Variants in MDH1B observed in about 807,000 individuals in gnomAD.
MDH1B encodes the protein putative malate dehydrogenase 1B.
A neutral mutation model predicts 61.4 loss-of-function variants in MDH1B; 60 were observed. The observed-to-expected ratio is 0.98, with a 90% confidence interval of 0.79 to 1.21. The LOEUF is 1.21. Ranked by LOEUF, MDH1B falls within the 50% of genes most tolerant of loss-of-function variation. MDH1B has a pLI of 0.00. For missense variants in MDH1B, 587 were observed against 632.1 expected (o/e 0.93, Z 0.76); for synonymous variants, 236 against 218.7 (o/e 1.08, Z -0.70).
rs573621535 is a variant in MDH1B at position 206,753,054 on chromosome 2, G to A, written c.910+1955C>T. 5.3e-5 allele frequency among the ~76,000 whole-genome samples: 8 copies of A among 152,054 alleles called. No homozygotes were observed. The South Asian group carries it at 1.7e-3, about 32-fold the overall frequency. On this transcript the variant is annotated intron_variant, in intron 5 of 11. Transcript: ENST00000374412. ...GGGAAAGAAAGCCCTCATTCTCCTG[G>A]GGTACGTAAACTACAAGCATGTGAG...
chr2:206,757,223 G>C lies in MDH1B; in HGVS notation c.270+14C>G. The C allele has an allele frequency of 1.2e-6, 2 of 1,603,400 alleles. No individual in the cohort carries two copies. Among genetic ancestry groups the C allele is most frequent in the Non-Finnish European group, 8.5e-7 (1 of 1,176,032 alleles). ...GAATTATCATTATTAGAACAGATAA[G>C]TTAACTTATATACCTGAGCATGCTC... On this transcript the variant is annotated intron_variant, in intron 3 of 11. Coordinates refer to ENST00000374412, the MANE Select transcript of MDH1B (RefSeq NM_001039845.3).
chr2:206,751,392 T>C (rs1047694715), intron 5 of MDH1B, among the ~76,000 whole-genome samples: 4 of 152,086 alleles, frequency 2.6e-5, no homozygotes, highest in Non-Finnish European at 2.9e-5. Flanking sequence ...TTGCTTACCA[T>C]TGAGAGAGAG....
At position 206,765,161 on chromosome 2, in the gene MDH1B, G is replaced by T. The variant is rs1689366358; in HGVS notation, c.22+89C>A. 5 of 1,508,544 alleles carry T rather than the reference G, an allele frequency of 3.3e-6. No individual in the cohort carries two copies. The East Asian group carries it at 1.2e-4, about 36-fold the overall frequency. The allele number at this position is 1,508,544 out of a possible 1,614,324, so 93.4% of individuals were successfully genotyped here. On this transcript the variant is annotated intron_variant, in intron 1 of 11. Transcript: ENST00000374412. Reference sequence around the variant, plus strand: ...TCTATAGCAAAGCATGGAGCGGTCCGTATAGAGGCTGCCAAGCCGAGCGGC... The same window carrying T: ...TCTATAGCAAAGCATGGAGCGGTCCTTATAGAGGCTGCCAAGCCGAGCGGC...
At chr2:206,753,868 C>A (rs7591658) in intron 5 of MDH1B, among the ~76,000 whole-genome samples, 75 of 149,122 alleles carry the variant, frequency 5.0e-4, no homozygotes, top group East Asian at 2.0e-3. Context: ...CCCCAACCCC[C>A]CTCAACCCCA....
At chr2:206,758,238 G>A (rs1240576613) in intron 2 of MDH1B, among the ~76,000 whole-genome samples, 2 of 152,118 alleles carry the variant, frequency 1.3e-5, no homozygotes, top group Non-Finnish European at 2.9e-5. Context: ...GAGCTGCAAG[G>A]GCATGTACAA....
chr2:206,756,646 A>C, intron 4 of MDH1B: 2 of 435,884 alleles, frequency 4.6e-6, no homozygotes, highest in Non-Finnish European at 8.2e-6. Context: ...CAGCCATGCT[A>C]TAGAGTTGTT....
chr2:206,757,934 C>T (rs1688858437), intron 2 of MDH1B, among the ~76,000 whole-genome samples: 1 of 152,078 alleles, frequency 6.6e-6, no homozygotes, highest in African/African-American at 2.4e-5. Flanking sequence ...TACAGTCAAA[C>T]AGAAACATTT....
chr2:206,741,032 G>T, intron 10 of MDH1B, 22 bp downstream of exon 10: 1 of 1,612,872 alleles, frequency 6.2e-7, no homozygotes, highest in Non-Finnish European at 8.5e-7. Context: ...TATAGACATT[G>T]TTTATAACCC....
Position 206,755,389 on chromosome 2 carries a change from A to C in MDH1B, c.530T>G (p.Leu177Arg). 1 of 1,614,168 alleles carries C rather than the reference A, an allele frequency of 6.2e-7. No homozygotes were observed. ...TTGGGTCTCCACCACAAGGCTTTTG[A>C]GATGTTCTTCCGCCTGCTTGTTGTC... ...LFDNKQAEEHLKSLVVETQDL... is the reference protein window; with the variant it reads ...LFDNKQAEEHRKSLVVETQDL... Residue 177 changes from leucine to arginine, a missense_variant, in exon 5 of 12, where the codon CTC becomes CGC. By Grantham distance (102) the Leu-to-Arg change is moderately radical. Coordinates refer to ENST00000374412, the MANE Select transcript of MDH1B (RefSeq NM_001039845.3).
At position 206,746,407 on chromosome 2, in the gene MDH1B, T is replaced by C. The variant is rs1311648860; in HGVS notation, c.1236A>G (p.Lys412=). The C allele has an allele frequency of 6.2e-7, 1 of 1,613,290 alleles. No homozygotes were observed. The highest frequency in any genetic ancestry group is 2.2e-5 in the East Asian group (1 of 44,808). ...ILSEGQFGIP[K]GIVFSMPVKF... ...TCACAGGCATAGAAAAGACGATCCC[T>C]TTCGGAATACCAAACTGGCCTGCAG... The change falls in exon 8 of 12, where the codon AAA becomes AAG. Residue 412 remains lysine, a synonymous_variant. Coordinates refer to ENST00000374412, the MANE Select transcript of MDH1B (RefSeq NM_001039845.3).
At chr2:206,745,565 A>C in intron 9 of MDH1B, 57 bp downstream of exon 9, 1 of 1,291,312 alleles carries the variant, frequency 7.7e-7, no homozygotes, top group Non-Finnish European at 1.1e-6. Context: ...AGTTATAACA[A>C]ATATTTTAAT....
At chr2:206,745,240 T>C (rs1290389694) in intron 9 of MDH1B, 2 of 336,824 alleles carry the variant, frequency 5.9e-6, no homozygotes, top group African/African-American at 4.4e-5. Flanking sequence ...AGGAATTCTT[T>C]CTCAAGCCTT....
intron 9 of MDH1B, among the ~76,000 whole-genome samples, chr2:206,742,399 C>A (rs1466648735): frequency 1.3e-5 from 2 of 152,158 alleles, no homozygotes; most frequent in East Asian, 1.9e-4. Flanking sequence ...CTCTGATGAA[C>A]CTTTTTTGCC....
In MDH1B at chr2:206,758,042, C is replaced by T. The variant is rs540137247; in HGVS notation, c.136-671G>A. Among the ~76,000 whole-genome samples the T allele has an allele frequency of 2.0e-5, 3 of 152,296 alleles. No homozygotes were observed. In the East Asian group the frequency reaches 5.8e-4, roughly 29 times the overall value. ...CAATAAAATCCTGGAAACTGATTTCCTTGCTAATATTGAAGATCTGCCTGC... is the reference window on the plus strand; with the variant it reads ...CAATAAAATCCTGGAAACTGATTTCTTTGCTAATATTGAAGATCTGCCTGC... On this transcript the variant is annotated intron_variant, in intron 2 of 11. Transcript: ENST00000374412.
intron 6 of MDH1B, among the ~76,000 whole-genome samples, chr2:206,750,064 T>C (rs1001102986): frequency 7.2e-5 from 11 of 152,070 alleles, no homozygotes; most frequent in African/African-American, 2.7e-4. Flanking sequence ...TTCAAAATAG[T>C]GAACTCGGGA....
chr2:206,741,586 T>TC (rs1403655262), intron 9 of MDH1B, among the ~76,000 whole-genome samples: 4 of 152,190 alleles, frequency 2.6e-5, no homozygotes, highest in African/African-American at 9.7e-5. Context: ...AACATTGGAC[T>TC]CCAAGTTTTT....
Position 206,756,959 on chromosome 2 carries a change from T to C in MDH1B, c.352A>G (p.Lys118Glu). Residue 118 changes from lysine (K) to glutamate (E), a missense_variant, in exon 4 of 12, where the codon AAA (lysine) becomes GAA (glutamate). Lys to Glu is a moderately conservative substitution (Grantham distance 56). Coordinates refer to ENST00000374412, the MANE Select transcript of MDH1B (RefSeq NM_001039845.3). Reference sequence around the variant, plus strand: ...TTCAGGGCTTCTTCCTCCTGCTCTTTTTCTATATGTGCCCCCAGGTTCTCT... The same window carrying C: ...TTCAGGGCTTCTTCCTCCTGCTCTTCTTCTATATGTGCCCCCAGGTTCTCT... Reference protein sequence around the residue: ...AQENLGAHIEKEQEEEALKTC... With the variant: ...AQENLGAHIEEEQEEEALKTC... 6.2e-7 allele frequency: 1 copy of C among 1,614,178 alleles called. No homozygotes were observed. Among genetic ancestry groups the C allele is most frequent in the Non-Finnish European group, 8.5e-7 (1 of 1,180,012 alleles).
In MDH1B at chr2:206,757,018, C is replaced by A; in HGVS notation, c.293G>T (p.Ser98Ile). ...HAQLYYDVTSSMTTELMMVIA... is the reference protein window; with the variant it reads ...HAQLYYDVTSIMTTELMMVIA... ...TACCATCATCAGTTCAGTCGTCATGCTAGAGGTGACATCATAGTAAAGCTA... is the reference window on the plus strand; with the variant it reads ...TACCATCATCAGTTCAGTCGTCATGATAGAGGTGACATCATAGTAAAGCTA... The change falls in exon 4 of 12, where the codon AGC becomes ATC. Residue 98 changes from serine to isoleucine, a missense_variant. Ser to Ile is a moderately radical substitution (Grantham distance 142). Transcript: ENST00000374412. 1 of 1,613,512 alleles carries A rather than the reference C, an allele frequency of 6.2e-7. No homozygotes were observed. Among genetic ancestry groups the A allele is most frequent in the Non-Finnish European group, 8.5e-7 (1 of 1,179,616 alleles).
At chr2:206,741,475 C>T (rs543639466) in intron 9 of MDH1B, 2 of 217,838 alleles carry the variant, frequency 9.2e-6, no homozygotes, top group East Asian at 2.7e-4. Flanking sequence ...ATCTAATCAG[C>T]TGCCAGCAAA....
Sources: gnomAD v4.1 joint callset for allele counts (sites outside exome capture counted in the v4.1 genomes callset) on GRCh38, gnomAD v4.1.1 for gene constraint, MANE v1.5 for transcripts, NCBI Gene and HGNC (gene_info 2026-07-23, HGNC 2026-07-21) for gene names.